Variants in UBE3C observed in about 807,000 individuals in gnomAD.
UBE3C encodes ubiquitin protein ligase E3C, also known as ubiquitin-protein ligase E3C.
UBE3C carries 42 observed loss-of-function variants against 129.4 expected under a neutral mutation model. That is an observed-to-expected ratio of 0.32 (90% confidence interval 0.25 to 0.42). UBE3C has a LOEUF of 0.42. Among genes scored for constraint, UBE3C ranks in the 10% least tolerant of loss-of-function variants. The probability of loss-of-function intolerance (pLI) is 1.00; values close to 1 mark genes in which losing one functional copy is unlikely to be tolerated. For synonymous variants in UBE3C, 510 were observed against 492.4 expected (o/e 1.04, Z -0.47); for missense variants, 1,049 against 1,319.1 (o/e 0.80, Z 3.17).
intron 22 of UBE3C, among the ~76,000 whole-genome samples, chr7:157,260,239 C>A (rs984888878): frequency 6.6e-6 from 1 of 151,978 alleles, no homozygotes; most frequent in Non-Finnish European, 1.5e-5. Flanking sequence ...ATGAGAGAAG[C>A]CTGAATGTTA....
At chr7:157,242,999 G>A (rs1057390245) in intron 18 of UBE3C, among the ~76,000 whole-genome samples, 1 of 152,038 alleles carries the variant, frequency 6.6e-6, no homozygotes, top group Non-Finnish European at 1.5e-5. Flanking sequence ...AGATTATGGT[G>A]AGCCAAGATT....
intron 13 of UBE3C, among the ~76,000 whole-genome samples, chr7:157,212,939 G>A (rs1376943134): frequency 6.6e-6 from 1 of 151,916 alleles, no homozygotes; most frequent in Non-Finnish European, 1.5e-5. Flanking sequence ...TGTATTTTTT[G>A]TAGAGATAGG....
intron 4 of UBE3C, among the ~76,000 whole-genome samples, chr7:157,174,238 C>CT (rs1808455114): frequency 6.6e-6 from 1 of 151,994 alleles, no homozygotes. Context: ...GGCGGGCACC[C>CT]GTAATCCGAG....
intron 11 of UBE3C, among the ~76,000 whole-genome samples, chr7:157,203,097 C>A (rs1369419444): frequency 6.6e-6 from 1 of 152,210 alleles, no homozygotes. Context: ...CAGTCAGCCC[C>A]TTTATGATGG....
At chr7:157,139,401 G>A (rs986213677) in intron 1 of UBE3C, 63 bp downstream of exon 1, 1 of 1,349,494 alleles carries the variant, frequency 7.4e-7, no homozygotes, top group African/African-American at 2.0e-5. Context: ...CTCGGGGCTG[G>A]GACTCGGGGC....
intron 22 of UBE3C, among the ~76,000 whole-genome samples, chr7:157,264,434 C>T (rs1797017782): frequency 1.6e-5 from 2 of 128,034 alleles, no homozygotes; most frequent in South Asian, 2.6e-4. Flanking sequence ...CCTGGTACTA[C>T]AGGTGTGAGC....
intron 17 of UBE3C, 133 bp from the exon 18 acceptor site, chr7:157,230,946 TG>T (rs1175589519): frequency 7.9e-7 from 1 of 1,263,892 alleles, no homozygotes; most frequent in African/African-American, 1.5e-5. Context: ...ATAATATCAT[TG>T]CTGTTTTGAG....
chr7:157,210,894 A>G (rs1809571271), intron 13 of UBE3C, among the ~76,000 whole-genome samples: 1 of 152,236 alleles, frequency 6.6e-6, no homozygotes. Flanking sequence ...GGATAGAGTC[A>G]TCTTTCTTTG....
chr7:157,212,525 A>G (rs1415966017), intron 13 of UBE3C, among the ~76,000 whole-genome samples: 1 of 152,244 alleles, frequency 6.6e-6, no homozygotes, highest in African/African-American at 2.4e-5. Context: ...CATCATTGCC[A>G]TGAACTCTCA....
At chr7:157,245,992 C>CAAAAAAAAAA (rs56270719) in intron 18 of UBE3C, among the ~76,000 whole-genome samples, 1 of 85,610 alleles carries the variant, frequency 1.2e-5, no homozygotes, top group South Asian at 4.9e-4. Flanking sequence ...GACTCCGTCT[C>CAAAAAAAAAA]AAAAAAAAAA....
At chr7:157,253,041 G>T (rs1796657945) in intron 19 of UBE3C, among the ~76,000 whole-genome samples, 1 of 151,454 alleles carries the variant, frequency 6.6e-6, no homozygotes, top group South Asian at 2.1e-4. Context: ...CTGTTTTTTT[G>T]GTTTTCTTAA....
chr7:157,174,869 A>G (rs2116899688), intron 4 of UBE3C, 50 bp from the exon 5 acceptor site: 1 of 1,426,600 alleles, frequency 7.0e-7, no homozygotes, highest in East Asian at 2.4e-5. Flanking sequence ...AAATTAGCAA[A>G]CTATTAAATT....
chr7:157,179,550 A>G (rs1189289394), intron 6 of UBE3C, among the ~76,000 whole-genome samples: 2 of 152,192 alleles, frequency 1.3e-5, no homozygotes, highest in Non-Finnish European at 2.9e-5. Context: ...TCCTAACACA[A>G]AAGAACCTTT....
At chr7:157,170,769 A>G (rs1808346348) in intron 4 of UBE3C, among the ~76,000 whole-genome samples, 1 of 152,226 alleles carries the variant, frequency 6.6e-6, no homozygotes, top group African/African-American at 2.4e-5. Context: ...CAGCACGCCT[A>G]GGTCAGTGGG....
intron 1 of UBE3C, among the ~76,000 whole-genome samples, chr7:157,143,878 G>C (rs1349139610): frequency 6.6e-6 from 1 of 152,148 alleles, no homozygotes; most frequent in African/African-American, 2.4e-5. Flanking sequence ...GGACTCGTGA[G>C]GTACTGCAAC....
chr7:157,226,900 G>A (rs1194825903), intron 17 of UBE3C, among the ~76,000 whole-genome samples: 1 of 152,154 alleles, frequency 6.6e-6, no homozygotes, highest in African/African-American at 2.4e-5. Flanking sequence ...GTGTGAATGA[G>A]ATGAGACTAG....
chr7:157,191,253 G>C (rs1219938115), intron 10 of UBE3C, among the ~76,000 whole-genome samples: 1 of 152,184 alleles, frequency 6.6e-6, no homozygotes, highest in African/African-American at 2.4e-5. Flanking sequence ...GCACGCGCGT[G>C]TGTATGTGTG....
At chr7:157,206,856 A>G (rs572278365) in intron 11 of UBE3C, among the ~76,000 whole-genome samples, 34 of 152,368 alleles carry the variant, frequency 2.2e-4, no homozygotes, top group Admixed American at 5.2e-4. Context: ...GAGCTGGTGA[A>G]TAAAGTGGAC....
At chr7:157,139,721 A>G (rs1807377071) in intron 1 of UBE3C, among the ~76,000 whole-genome samples, 1 of 152,224 alleles carries the variant, frequency 6.6e-6, no homozygotes, top group African/African-American at 2.4e-5. Context: ...GTGCCACCCA[A>G]GGTGAACTTA....
Sources: gnomAD v4.1 joint callset for allele counts (sites outside exome capture counted in the v4.1 genomes callset) on GRCh38, gnomAD v4.1.1 for gene constraint, MANE v1.5 for transcripts, NCBI Gene and HGNC (gene_info 2026-07-23, HGNC 2026-07-21) for gene names.